KYAT1: variants seen among roughly 807,000 people sequenced by gnomAD.
KYAT1 encodes kynurenine aminotransferase 1.
A neutral mutation model predicts 52.4 loss-of-function variants in KYAT1; 47 were observed. That is an observed-to-expected ratio of 0.90 (90% CI 0.71 to 1.14). The LOEUF (loss-of-function observed/expected upper bound fraction) is 1.14, where lower values mean the gene tolerates loss of function less well. Ranked by LOEUF, KYAT1 falls within the 50% of genes most tolerant of loss-of-function variation. The pLI is 0.00. For synonymous variants in KYAT1, 212 were observed against 209.6 expected, an observed-to-expected ratio of 1.01 and a Z score of -0.10; for missense variants, 480 against 557.9, an observed-to-expected ratio of 0.86 and a Z score of 1.41.
chr9:128,855,351 AGG>A (rs1834463598), intron 1 of KYAT1, among the ~76,000 whole-genome samples: 1 of 152,184 alleles, frequency 6.6e-6, no homozygotes, highest in Non-Finnish European at 1.5e-5. Context: ...TGGGGTGAAA[AGG>A]GGATTTCATC....
intron 1 of KYAT1, among the ~76,000 whole-genome samples, chr9:128,878,617 T>C (rs1838353054): frequency 6.6e-6 from 1 of 152,142 alleles, no homozygotes; most frequent in Non-Finnish European, 1.5e-5. Flanking sequence ...GAACAGCCTG[T>C]CTGAGGAGAT....
chr9:128,838,109 C>T lies in KYAT1; in HGVS notation c.380G>A (p.Cys127Tyr). 6.2e-7 allele frequency: 1 copy of T among 1,614,078 alleles called. No homozygotes were observed. The highest frequency in any genetic ancestry group is 1.1e-5 in the South Asian group (1 of 91,086). Reference protein sequence around the residue: ...EVIIIEPFFDCYEPMTMMAGG... With the variant: ...EVIIIEPFFDYYEPMTMMAGG... ...TGCCATCATTGTCATGGGCTCGTAG[C>T]AGTCAAAAAAGGGTTCGATGATGAT... is the stretch of plus-strand genomic sequence containing the variant. The change falls in exon 5 of 13, where the codon TGC (cysteine) becomes TAC (tyrosine). Residue 127 changes from cysteine to tyrosine, a missense_variant. By Grantham distance (194) the Cys-to-Tyr change is radical (BLOSUM62 -2). Transcript: ENST00000302586.
chr9:128,853,500 G>T (rs768225108), intron 1 of KYAT1, among the ~76,000 whole-genome samples: 2 of 152,164 alleles, frequency 1.3e-5, no homozygotes, highest in Non-Finnish European at 2.9e-5. Context: ...TGCATATGTA[G>T]TACAGGCTAC....
At chr9:128,853,945 T>C (rs1236804047) in intron 1 of KYAT1, among the ~76,000 whole-genome samples, 2 of 152,258 alleles carry the variant, frequency 1.3e-5, no homozygotes, top group Non-Finnish European at 2.9e-5. Context: ...CATGTGACAG[T>C]TGATACTTAT....
At chr9:128,839,517 C>T (rs1436842470) in intron 3 of KYAT1, among the ~76,000 whole-genome samples, 3 of 152,058 alleles carry the variant, frequency 2.0e-5, no homozygotes, top group Non-Finnish European at 1.5e-5. Context: ...CAGCTCTACT[C>T]GGGAGGCTGA....
At position 128,845,369 on chromosome 9, in the gene KYAT1, T is replaced by C; in HGVS notation, c.37A>G (p.Ile13Val). The C allele has an allele frequency of 6.2e-7, 1 of 1,613,802 alleles. No homozygotes were observed. Among genetic ancestry groups the C allele is most frequent in the Non-Finnish European group, 8.5e-7 (1 of 1,179,952 alleles). ...KQLQARRLDG[I>V]DYNPWVEFVK... is the part of the protein sequence containing the mutation. ...CTGGCTCACCAGGGGTTGTAGTCGA[T>C]CCCGTCTAGCCTTCGGGCCTGCAGC... Residue 13 changes from isoleucine to valine, a missense_variant, in exon 2 of 13, where the codon ATC (isoleucine) becomes GTC (valine). Ile to Val is a conservative substitution (Grantham distance 29). Coordinates refer to ENST00000302586, the MANE Select transcript of KYAT1 (RefSeq NM_004059.5).
rs185556604 is a variant in KYAT1 at position 128,844,119 on chromosome 9, G to A, written c.53+1234C>T. 4.1e-4 allele frequency among the ~76,000 whole-genome samples: 63 copies of A among 152,298 alleles called. No individual in the cohort carries two copies. The East Asian group carries it at 0.012, about 28-fold the overall frequency. On this transcript the variant is annotated intron_variant, in intron 2 of 12. Transcript: ENST00000302586. Reference sequence around the variant, plus strand: ...AATCCTCTGTTCTGGCCCTGCCTGGGGGCCACCTCTCCAGGTGGGAGAAAG... The same window carrying A: ...AATCCTCTGTTCTGGCCCTGCCTGGAGGCCACCTCTCCAGGTGGGAGAAAG...
chr9:128,834,701 G>A (rs1275514259), intron 11 of KYAT1, among the ~76,000 whole-genome samples: 2 of 151,604 alleles, frequency 1.3e-5, no homozygotes, highest in Admixed American at 1.3e-4. Context: ...GTACATGCCT[G>A]TAATCCCAGT....
intron 1 of KYAT1, among the ~76,000 whole-genome samples, chr9:128,862,473 T>C (rs893630382): frequency 6.6e-6 from 1 of 152,234 alleles, no homozygotes; most frequent in Non-Finnish European, 1.5e-5. Context: ...ATTGAGCTCC[T>C]GCAGGCCTTA....
At chr9:128,848,175 C>A (rs1324225837) in intron 1 of KYAT1, among the ~76,000 whole-genome samples, 1 of 151,816 alleles carries the variant, frequency 6.6e-6, no homozygotes, top group Admixed American at 6.6e-5. Flanking sequence ...AAAAATTGAC[C>A]AGGTGTGATG....
At position 128,842,760 on chromosome 9, in the gene KYAT1, T is replaced by G; in HGVS notation, c.95A>C (p.Asn32Thr). The G allele has an allele frequency of 6.2e-7, 1 of 1,614,150 alleles. No individual in the cohort carries two copies. Among genetic ancestry groups the G allele is most frequent in the Non-Finnish European group, 8.5e-7 (1 of 1,180,024 alleles). ...VKLASEHDVVNLGQGFPDFPP... is the reference protein window; with the variant it reads ...VKLASEHDVVTLGQGFPDFPP... ...GAAATCCGGGAAGCCCTGGCCCAAGTTCACGACGTCATGCTCACTGGCCAG... is the reference window on the plus strand; with the variant it reads ...GAAATCCGGGAAGCCCTGGCCCAAGGTCACGACGTCATGCTCACTGGCCAG... The change falls in exon 3 of 13, where the codon AAC becomes ACC. Residue 32 changes from asparagine (N) to threonine (T), a missense_variant. By Grantham distance (65) the Asn-to-Thr change is moderately conservative. Coordinates refer to ENST00000302586, the MANE Select transcript of KYAT1 (RefSeq NM_004059.5).
rs554695140 is a variant in KYAT1 at position 128,881,910 on chromosome 9, G to A, written c.-20C>T. The A allele has an allele frequency of 1.0e-4, 16 of 152,442 alleles. No individual in the cohort carries two copies. The highest frequency in any genetic ancestry group is 4.4e-5 in the Non-Finnish European group (3 of 68,138). 9.4% of individuals were successfully genotyped at this position (152,442 alleles called of 1,614,324 possible). A position where few individuals can be genotyped will look rare whatever the true frequency, so the allele number is the denominator to read the frequency against. ...ACAGCTACTCACCCTCACCTGGGCC[G>A]CTTCACCCCTCGTTCCCAAGTACAC... On this transcript the variant is annotated 5_prime_UTR_variant, in exon 1 of 13. Coordinates refer to ENST00000302586, the MANE Select transcript of KYAT1 (RefSeq NM_004059.5).
chr9:128,839,727 T>G (rs1831799021), intron 3 of KYAT1, among the ~76,000 whole-genome samples: 1 of 152,156 alleles, frequency 6.6e-6, no homozygotes, highest in South Asian at 2.1e-4. Context: ...TAAACCAGAT[T>G]TGGCCACACA....
chr9:128,843,322 G>A (rs1427464539), intron 2 of KYAT1, among the ~76,000 whole-genome samples: 1 of 151,916 alleles, frequency 6.6e-6, no homozygotes, highest in East Asian at 1.9e-4. Context: ...ATTGTTAATC[G>A]CAGGAATCAG....
In KYAT1 at chr9:128,845,648, A is replaced by G; in HGVS notation, c.-6-237T>C. 4 of 534,070 alleles carry G rather than the reference A, an allele frequency of 7.5e-6. No homozygotes were observed. The South Asian group carries it at 8.2e-5, about 11-fold the overall frequency. 33.1% of individuals were successfully genotyped at this position (534,070 alleles called of 1,614,324 possible). A position where few individuals can be genotyped will look rare whatever the true frequency, so the allele number is the denominator to read the frequency against. ...AGCAGCCTCCACCTCCCCAACCTGC[A>G]GGGGCTGCCTGGCGCCTGCCCAGTG... On this transcript the variant is annotated intron_variant, in intron 1 of 12. Transcript: ENST00000302586.
rs1564491362 is a variant in KYAT1 at position 128,865,326 on chromosome 9, TATATATATATATATATATATATATATATA to T, written c.-7+16542_-7+16570del. ...GAGCCTACATATATATATATATATA[TATATATATATATATATATATATATATATA>T]TATATTTTTTTTTTTTTTTTTTTTG... On this transcript the variant is annotated intron_variant, in intron 1 of 12. Coordinates refer to ENST00000302586, the MANE Select transcript of KYAT1 (RefSeq NM_004059.5). Among the ~76,000 whole-genome samples the T allele has an allele frequency of 3.3e-3, 156 of 46,610 alleles. 28 individuals carry two copies. The highest frequency in any genetic ancestry group is 0.012 in the Middle Eastern group (1 of 84). The allele number at this position is 46,610 out of a possible 152,430, so 30.6% of individuals were successfully genotyped here.
intron 1 of KYAT1, among the ~76,000 whole-genome samples, chr9:128,869,362 C>T (rs1161970104): frequency 2.6e-5 from 4 of 151,554 alleles, no homozygotes; most frequent in Admixed American, 6.6e-5. Context: ...GGGGTTTCAC[C>T]GTGTTAGCCA....
chr9:128,848,349 C>A (rs1833429736), intron 1 of KYAT1, among the ~76,000 whole-genome samples: 1 of 148,062 alleles, frequency 6.8e-6, no homozygotes. Context: ...AAGTAAATGC[C>A]TGAAAAAGAA....
chr9:128,841,376 G>A (rs1457988852), intron 3 of KYAT1, among the ~76,000 whole-genome samples: 1 of 152,048 alleles, frequency 6.6e-6, no homozygotes, highest in African/African-American at 2.4e-5. Context: ...GGTGGCGGGC[G>A]CCTGTAATCC....
Sources: gnomAD v4.1 joint callset for allele counts (sites outside exome capture counted in the v4.1 genomes callset) on GRCh38, gnomAD v4.1.1 for gene constraint, MANE v1.5 for transcripts, NCBI Gene and HGNC (gene_info 2026-07-23, HGNC 2026-07-21) for gene names.